KIAA1671: variants seen among roughly 807,000 people sequenced by gnomAD.
KIAA1671 encodes uncharacterized protein KIAA1671.
Under a neutral mutation model 131.2 loss-of-function variants are expected in KIAA1671, and 52 were observed. That is an observed-to-expected ratio of 0.40 (90% CI 0.32 to 0.50). KIAA1671 has a LOEUF of 0.50. Ranked by LOEUF, KIAA1671 falls within the 20% of genes least tolerant of loss-of-function variation. KIAA1671 has a pLI of 0.73. For synonymous variants in KIAA1671, 1,003 were observed against 961.6 expected, an observed-to-expected ratio of 1.04 and a Z score of -0.80; for missense variants, 2,360 against 2,364.2, an observed-to-expected ratio of 1.00 and a Z score of 0.04.
intron 4 of KIAA1671, among the ~76,000 whole-genome samples, chr22:25,035,406 T>C (rs1450658952): frequency 1.3e-5 from 2 of 152,146 alleles, no homozygotes; most frequent in African/African-American, 4.8e-5. Flanking sequence ...CTGGATCATA[T>C]GGTAGATGCA....
In KIAA1671 at chr22:25,041,474, G is replaced by A. The variant is rs1305626344; in HGVS notation, c.4344G>A (p.Glu1448=). ...GRPSLTGENL[E]AKMGPCWWES... is the part of the protein sequence containing the mutation. ...CCAGCCTTACTGGAGAGAATTTGGA[G>A]GCCAAAATGGGACCCTGTTGGTGGG... is the stretch of plus-strand genomic sequence containing the variant. Residue 1448 remains glutamate, a synonymous_variant, in exon 5 of 13, where the codon GAG becomes GAA. Transcript: ENST00000358431. 1.9e-6 allele frequency: 3 copies of A among 1,551,142 alleles called. No individual in the cohort carries two copies. Among genetic ancestry groups the A allele is most frequent in the Non-Finnish European group, 2.6e-6 (3 of 1,146,900 alleles).
Position 25,028,373 on chromosome 22 carries a change from G to A in KIAA1671, c.374G>A (p.Arg125Lys). 1 of 1,550,902 alleles carries A rather than the reference G, an allele frequency of 6.4e-7. No individual in the cohort carries two copies. The highest frequency in any genetic ancestry group is 8.7e-7 in the Non-Finnish European group (1 of 1,146,928). ...GQEVGSGEGP[R>K]TSSPLFNKAV... ...GAGGTGGGCAGTGGGGAGGGCCCGA[G>A]GACGAGCTCGCCCCTCTTCAACAAG... The change falls in exon 3 of 13, where the codon AGG becomes AAG. Residue 125 changes from arginine to lysine, a missense_variant. Transcript: ENST00000358431.
intron 6 of KIAA1671, among the ~76,000 whole-genome samples, chr22:25,092,518 T>A (rs1930072663): frequency 6.6e-6 from 1 of 151,988 alleles, no homozygotes; most frequent in Non-Finnish European, 1.5e-5. Context: ...GCTAACCTCG[T>A]AGGATGGAGA....
intron 6 of KIAA1671, among the ~76,000 whole-genome samples, chr22:25,143,778 T>G (rs996369215): frequency 1.3e-5 from 2 of 152,194 alleles, no homozygotes; most frequent in African/African-American, 4.8e-5. Flanking sequence ...GGCCTAAGAT[T>G]AGACTGGACC....
At chr22:25,025,172 C>G (rs1428444122) in intron 1 of KIAA1671, among the ~76,000 whole-genome samples, 1 of 60,734 alleles carries the variant, frequency 1.6e-5, no homozygotes, top group Admixed American at 2.0e-4. Context: ...GAGTCAGCAC[C>G]TCGAATGCTC....
Position 25,174,327 on chromosome 22 carries a change from G to C in KIAA1671, c.4737G>C (p.Thr1579=), listed in dbSNP as rs762644220. The C allele has an allele frequency of 1.9e-6, 3 of 1,551,880 alleles. No individual in the cohort carries two copies. Among genetic ancestry groups the C allele is most frequent in the South Asian group, 1.2e-5 (1 of 84,048 alleles). Residue 1579 remains threonine, a synonymous_variant, in exon 8 of 13, where the codon ACG becomes ACC. Coordinates refer to ENST00000358431, the MANE Select transcript of KIAA1671 (RefSeq NM_001145206.2). The stretch of plus-strand genomic sequence containing the variant: ...GTTTGTCTTCTCTGTCCTCCCAAAC[G>C]GAGCCCACCTCGGCAGGGGACCAGT... ...SSRLSSLSSQ[T]EPTSAGDQYD...
chr22:25,022,361 T>G (rs1281298501), intron 1 of KIAA1671, among the ~76,000 whole-genome samples: 1 of 152,210 alleles, frequency 6.6e-6, no homozygotes, highest in Admixed American at 6.5e-5. Context: ...TGAATGGAAG[T>G]GCTTTTCTTC....
At chr22:25,097,052 A>G (rs1568953406) in intron 6 of KIAA1671, among the ~76,000 whole-genome samples, 1 of 152,246 alleles carries the variant, frequency 6.6e-6, no homozygotes, top group African/African-American at 2.4e-5. Context: ...GTTTAGAGCT[A>G]TTATGAATGA....
chr22:25,022,256 G>A (rs1171852150), intron 1 of KIAA1671, among the ~76,000 whole-genome samples: 1 of 152,184 alleles, frequency 6.6e-6, no homozygotes, highest in Admixed American at 6.5e-5. Context: ...CTCTCAGATC[G>A]AATTTAAGGG....
At chr22:25,165,881 G>A (rs922955538) in intron 6 of KIAA1671, among the ~76,000 whole-genome samples, 11 of 152,086 alleles carry the variant, frequency 7.2e-5, no homozygotes, top group Non-Finnish European at 1.0e-4. Context: ...GGGAGGGACT[G>A]GGGGGTGAGA....
At chr22:24,958,088 A>C (rs1430211575) in intron 1 of KIAA1671, among the ~76,000 whole-genome samples, 1 of 151,342 alleles carries the variant, frequency 6.6e-6, no homozygotes, top group South Asian at 2.1e-4. Context: ...CTGCGAGGTC[A>C]CGCAGCGGGA....
At chr22:25,125,995 G>T (rs1352049396) in intron 6 of KIAA1671, among the ~76,000 whole-genome samples, 1 of 152,216 alleles carries the variant, frequency 6.6e-6, no homozygotes. Flanking sequence ...AACAATATCA[G>T]TTCACGGAGT....
In KIAA1671 at chr22:25,093,690, C is replaced by T. The variant is rs12166763; in HGVS notation, c.4530+44326C>T. Among the ~76,000 whole-genome samples, 386 of 38,066 alleles carry T rather than the reference C, an allele frequency of 0.01. 15 individuals are homozygous for T. In the African/African-American group the frequency reaches 0.12, roughly 12 times the overall value. 25.0% of individuals were successfully genotyped at this position (38,066 alleles called of 152,430 possible). ...GATCTTCCCTGCCCCCCGACACACA[C>T]ACACACACACACACACACACACACA... On this transcript the variant is annotated intron_variant, in intron 6 of 12. Transcript: ENST00000358431.
At chr22:25,139,972 G>A (rs1568976084) in intron 6 of KIAA1671, among the ~76,000 whole-genome samples, 1 of 152,220 alleles carries the variant, frequency 6.6e-6, no homozygotes, top group Non-Finnish European at 1.5e-5. Context: ...TGGTGGCAGT[G>A]CAATTGATTA....
chr22:25,048,652 A>G (rs1927369595), intron 5 of KIAA1671, among the ~76,000 whole-genome samples: 1 of 152,186 alleles, frequency 6.6e-6, no homozygotes, highest in Non-Finnish European at 1.5e-5. Flanking sequence ...ACTAAGTGGA[A>G]AAAAACAGCA....
chr22:25,190,586 T>C (rs1169180445), intron 11 of KIAA1671, 116 bp from the exon 12 acceptor site: 2 of 764,944 alleles, frequency 2.6e-6, no homozygotes, highest in Non-Finnish European at 4.5e-6. Context: ...CACCTCTGAG[T>C]GCTTGCCCCA....
Position 25,196,697 on chromosome 22 carries a change from A to C in KIAA1671, c.*4296A>C, listed in dbSNP as rs571824465. On this transcript the variant is annotated 3_prime_UTR_variant, in exon 13 of 13. Coordinates refer to ENST00000358431, the MANE Select transcript of KIAA1671 (RefSeq NM_001145206.2). Reference sequence around the variant, plus strand: ...GTGATTCTACTGCCTCAGCCTCCCAAAGTGCTGGGATTACAGGCCTGAGCC... The same window carrying C: ...GTGATTCTACTGCCTCAGCCTCCCACAGTGCTGGGATTACAGGCCTGAGCC... 6.6e-6 allele frequency: 1 copy of C among 152,134 alleles called. No individual in the cohort carries two copies. Among genetic ancestry groups the C allele is most frequent in the African/African-American group, 2.4e-5 (1 of 41,412 alleles). The allele number at this position is 152,134 out of a possible 1,614,324, so 9.4% of individuals were successfully genotyped here. A position where few individuals can be genotyped will look rare whatever the true frequency, so the allele number is the denominator to read the frequency against.
rs796321980 is a variant in KIAA1671, at chr22:25,065,647, AT to A, written c.4530+16296del. On this transcript the variant is annotated intron_variant, in intron 6 of 12. Transcript: ENST00000358431. ...TTAAAGAATTATTATTATTATTATT[AT>A]TTTTTTTTTTTTGAGACAGTCTCGC... Among the ~76,000 whole-genome samples, 942 of 148,290 alleles carry A rather than the reference AT, an allele frequency of 6.4e-3. 7 individuals carry two copies. The highest frequency in any genetic ancestry group is 0.012 in the African/African-American group (487 of 40,884).
chr22:25,076,513 T>A (rs1929116744), intron 6 of KIAA1671, among the ~76,000 whole-genome samples: 1 of 152,178 alleles, frequency 6.6e-6, no homozygotes, highest in Admixed American at 6.6e-5. Context: ...GAAACCACTA[T>A]CACCATCAAG....
Sources: gnomAD v4.1 joint callset for allele counts (sites outside exome capture counted in the v4.1 genomes callset) on GRCh38, gnomAD v4.1.1 for gene constraint, MANE v1.5 for transcripts, NCBI Gene and HGNC (gene_info 2026-07-23, HGNC 2026-07-21) for gene names.